Variants in PRR5L observed in about 807,000 individuals in gnomAD.
PRR5L encodes proline rich 5 like.
PRR5L carries 21 observed loss-of-function variants against 36.4 expected under a neutral mutation model. That is an observed-to-expected ratio of 0.58 (90% CI 0.41 to 0.83). The LOEUF (loss-of-function observed/expected upper bound fraction) is 0.83. Among genes scored for constraint, PRR5L ranks in the 40% least tolerant of loss-of-function variants. The pLI is 0.00. For missense variants in PRR5L, 381 were observed against 473.3 expected, an observed-to-expected ratio of 0.80 and a Z score of 1.81; for synonymous variants, 188 against 197.0, an observed-to-expected ratio of 0.95 and a Z score of 0.38.
intron 1 of PRR5L, among the ~76,000 whole-genome samples, chr11:36,322,118 G>A (rs1856619296): frequency 1.3e-5 from 2 of 152,152 alleles, no homozygotes; most frequent in Admixed American, 1.3e-4. Context: ...TCACTATTTT[G>A]AACAGTTTGT....
chr11:36,458,651 C>T (rs1319155960), intron 8 of PRR5L, among the ~76,000 whole-genome samples: 2 of 152,232 alleles, frequency 1.3e-5, no homozygotes, highest in African/African-American at 4.8e-5. Flanking sequence ...CTGTGATCTC[C>T]TTCCAGGAGC....
At chr11:36,345,852 G>C (rs1268520558) in intron 1 of PRR5L, among the ~76,000 whole-genome samples, 1 of 152,200 alleles carries the variant, frequency 6.6e-6, no homozygotes, top group African/African-American at 2.4e-5. Context: ...GAGTCTATCA[G>C]GACAAGATTT....
intron 1 of PRR5L, among the ~76,000 whole-genome samples, chr11:36,391,486 T>C (rs1857563506): frequency 1.3e-5 from 2 of 152,196 alleles, no homozygotes; most frequent in African/African-American, 2.4e-5. Context: ...CCAGTAACCC[T>C]GTAACTGCCA....
intron 6 of PRR5L, 51 bp from the exon 7 acceptor site, chr11:36,446,249 C>A (rs1303423157): frequency 1.8e-5 from 28 of 1,598,492 alleles, no homozygotes; most frequent in Non-Finnish European, 2.3e-5. Flanking sequence ...TGGTCGGTGG[C>A]AGATTCAGTA....
Position 36,401,039 on chromosome 11 carries a change from A to T in PRR5L, c.-83A>T. ...GGTTTTAAGAAAGCCTGAGGGCCTGAAGGCAGCCCCTGGAGAAGCCCTTTC... is the reference window on the plus strand; with the variant it reads ...GGTTTTAAGAAAGCCTGAGGGCCTGTAGGCAGCCCCTGGAGAAGCCCTTTC... On this transcript the variant is annotated 5_prime_UTR_variant, in exon 2 of 9. It introduces an in-frame stop codon into an upstream open reading frame of the 5' UTR. Coordinates refer to ENST00000530639, the MANE Select transcript of PRR5L (RefSeq NM_001160167.2). 4 of 1,547,236 alleles carry T rather than the reference A, an allele frequency of 2.6e-6. No individual in the cohort carries two copies. Among genetic ancestry groups the T allele is most frequent in the South Asian group, 2.5e-5 (2 of 80,524 alleles).
intron 5 of PRR5L, among the ~76,000 whole-genome samples, chr11:36,436,107 T>C (rs1372575536): frequency 2.0e-5 from 3 of 152,264 alleles, no homozygotes; most frequent in African/African-American, 7.2e-5. Context: ...TTGGACCTCC[T>C]GGCTACTAGT....
chr11:36,405,096 A>G (rs917443878), intron 3 of PRR5L, among the ~76,000 whole-genome samples: 4 of 152,164 alleles, frequency 2.6e-5, no homozygotes, highest in African/African-American at 9.7e-5. Flanking sequence ...CTGTTTGTGG[A>G]CAGCTGGGAG....
Position 36,312,971 on chromosome 11 carries a change from G to A in PRR5L, c.-126+16533G>A, listed in dbSNP as rs527931435. 7.4e-4 allele frequency among the ~76,000 whole-genome samples: 112 copies of A among 152,298 alleles called. 2 individuals are homozygous for A. The South Asian group carries it at 0.02, about 27-fold the overall frequency. On this transcript the variant is annotated intron_variant, in intron 1 of 8. Coordinates refer to ENST00000530639, the MANE Select transcript of PRR5L (RefSeq NM_001160167.2). Reference sequence around the variant, plus strand: ...CCAGCTTCCAAGGGCTGAGTGTGGGGGTCTCCAGAGGAGCCGCTTTACTGA... The same window carrying A: ...CCAGCTTCCAAGGGCTGAGTGTGGGAGTCTCCAGAGGAGCCGCTTTACTGA...
chr11:36,406,842 T>A (rs1207080194), intron 3 of PRR5L, among the ~76,000 whole-genome samples: 1 of 152,182 alleles, frequency 6.6e-6, no homozygotes, highest in East Asian at 1.9e-4. Context: ...GTGCTAAGTT[T>A]AATGGAAATT....
chr11:36,313,751 T>C (rs1261113309), intron 1 of PRR5L, among the ~76,000 whole-genome samples: 1 of 152,226 alleles, frequency 6.6e-6, no homozygotes, highest in African/African-American at 2.4e-5. Context: ...CAGTTCAATC[T>C]ACCTTGAGGA....
intron 4 of PRR5L, among the ~76,000 whole-genome samples, chr11:36,421,722 C>T (rs1420920078): frequency 1.3e-5 from 2 of 152,226 alleles, no homozygotes; most frequent in Middle Eastern, 3.4e-3. Flanking sequence ...TTAGGCGATG[C>T]GTGCAATGAC....
rs536907860 is a variant in PRR5L at position 36,298,443 on chromosome 11, G to A, written c.-126+2005G>A. ...AGACAGTCCCATATGGGGGTGATGGGAACCAGTGACAGATCATCAGGCATT... is the reference window on the plus strand; with the variant it reads ...AGACAGTCCCATATGGGGGTGATGGAAACCAGTGACAGATCATCAGGCATT... On this transcript the variant is annotated intron_variant, in intron 1 of 8. Coordinates refer to ENST00000530639, the MANE Select transcript of PRR5L (RefSeq NM_001160167.2). 1.7e-4 allele frequency among the ~76,000 whole-genome samples: 26 copies of A among 152,262 alleles called. No homozygotes were observed. In the South Asian group the frequency reaches 5.2e-3, roughly 30 times the overall value.
intron 4 of PRR5L, among the ~76,000 whole-genome samples, chr11:36,429,144 A>G (rs1221800279): frequency 6.6e-6 from 1 of 152,234 alleles, no homozygotes; most frequent in Non-Finnish European, 1.5e-5. Flanking sequence ...GGTTTATTCC[A>G]TAAGATATGG....
intron 1 of PRR5L, among the ~76,000 whole-genome samples, chr11:36,343,381 C>A (rs189623931): frequency 6.6e-6 from 1 of 152,324 alleles, no homozygotes. Context: ...GTTCCTCCAT[C>A]TAGCTACTTA....
intron 7 of PRR5L, among the ~76,000 whole-genome samples, chr11:36,447,121 A>T (rs766010477): frequency 6.6e-6 from 1 of 152,214 alleles, no homozygotes; most frequent in Non-Finnish European, 1.5e-5. Context: ...GAGCTAACAC[A>T]TATTGGTCCT....
chr11:36,424,567 G>A (rs570136816), intron 4 of PRR5L, among the ~76,000 whole-genome samples: 123 of 152,310 alleles, frequency 8.1e-4, no homozygotes, highest in African/African-American at 2.9e-3. Flanking sequence ...AGTTGGAAGC[G>A]TCGGGAAATT....
Position 36,424,634 on chromosome 11 carries a change from AAGG to A in PRR5L, c.294+5334_294+5336del, listed in dbSNP as rs1177379119. Reference sequence around the variant, plus strand: ...TTCTCTGAGGCTCTTGAAGAGCTATAAGGAGAACAGAATTAATGATAATGGTAG... The same window carrying A: ...TTCTCTGAGGCTCTTGAAGAGCTATAAGAACAGAATTAATGATAATGGTAG... On this transcript the variant is annotated intron_variant, in intron 4 of 8. Coordinates refer to ENST00000530639, the MANE Select transcript of PRR5L (RefSeq NM_001160167.2). Among the ~76,000 whole-genome samples, 12 of 152,330 alleles carry A rather than the reference AAGG, an allele frequency of 7.9e-5. No homozygotes were observed. The East Asian group carries it at 2.3e-3, about 29-fold the overall frequency.
At chr11:36,388,694 C>CTTTTT (rs1252535250) in intron 1 of PRR5L, among the ~76,000 whole-genome samples, 3,766 of 112,068 alleles carry the variant, frequency 0.034, 380 homozygotes, top group Non-Finnish European at 0.047. Flanking sequence ...TCGGCTCTTT[C>CTTTTT]TTTCTTTTTT....
At chr11:36,416,270 G>A (rs1467022678) in intron 3 of PRR5L, among the ~76,000 whole-genome samples, 2 of 152,212 alleles carry the variant, frequency 1.3e-5, no homozygotes, top group Admixed American at 1.3e-4. Flanking sequence ...TAAGGGCAGT[G>A]TAGCTTACTG....
Sources: allele counts gnomAD v4.1 joint callset (sites outside exome capture counted in the v4.1 genomes callset), GRCh38; gene constraint gnomAD v4.1.1; transcripts MANE v1.5; gene names NCBI Gene and HGNC (gene_info 2026-07-23, HGNC 2026-07-21).